The following AHRR variants were observed in gnomAD, a reference collection of about 807,000 sequenced individuals.
The protein encoded by AHRR is aryl hydrocarbon receptor repressor, also known as ahR repressor.
Under a neutral mutation model 44.0 loss-of-function variants are expected in AHRR, and 28 were observed. That is an observed-to-expected ratio of 0.64 (90% CI 0.47 to 0.87). AHRR has a LOEUF of 0.87. Ranked by LOEUF, AHRR falls within the 40% of genes least tolerant of loss-of-function variation. The pLI, the probability that AHRR is intolerant of heterozygous loss-of-function variation, is 0.00. For missense variants in AHRR, 990 were observed against 953.9 expected (o/e 1.04, Z -0.50); for synonymous variants, 434 against 407.0 (o/e 1.07, Z -0.80).
intron 3 of AHRR, among the ~76,000 whole-genome samples, chr5:363,157 C>G (rs1314174240): frequency 2.0e-5 from 3 of 152,240 alleles, no homozygotes; most frequent in Non-Finnish European, 4.4e-5. Context: ...GCTGCTGCCC[C>G]CTGGGTTCTG....
chr5:379,704 GT>G (rs535441284), intron 4 of AHRR, among the ~76,000 whole-genome samples: 29 of 152,252 alleles, frequency 1.9e-4, no homozygotes, highest in African/African-American at 6.7e-4. Context: ...TTACTATTCA[GT>G]TTAGAGATCT....
At chr5:339,984 C>G (rs547862221) in intron 1 of AHRR, among the ~76,000 whole-genome samples, 5 of 152,238 alleles carry the variant, frequency 3.3e-5, no homozygotes, top group Admixed American at 1.3e-4. Context: ...TGTCTATGTT[C>G]ATGTGGGATG....
intron 4 of AHRR, among the ~76,000 whole-genome samples, chr5:386,894 C>T (rs903468731): frequency 1.3e-5 from 2 of 152,154 alleles, no homozygotes; most frequent in Non-Finnish European, 2.9e-5. Flanking sequence ...ATCCCGGACA[C>T]TTTTCACCTG....
chr5:382,130 T>C (rs763856926), intron 4 of AHRR, among the ~76,000 whole-genome samples: 1 of 152,242 alleles, frequency 6.6e-6, no homozygotes, highest in Non-Finnish European at 1.5e-5. Context: ...TTTCTTGTAA[T>C]GTTTTTGTTT....
rs371905327 is a variant in AHRR at position 345,793 on chromosome 5, C to A, written c.62+1829C>A. ...GGTGCCTCCAAGCACTGCGGGGCCC[C>A]AGGAGGAGCTGGGGCTGGGAAACAA... On this transcript the variant is annotated intron_variant, in intron 2 of 10. Transcript: ENST00000684583. Among the ~76,000 whole-genome samples, 3 of 152,156 alleles carry A rather than the reference C, an allele frequency of 2.0e-5. No individual in the cohort carries two copies. The South Asian group carries it at 6.2e-4, about 32-fold the overall frequency.
chr5:415,425 CCGAATCTGCCTGGTCGGGCG>C (rs1735709586), intron 5 of AHRR, among the ~76,000 whole-genome samples: 1 of 132,446 alleles, frequency 7.6e-6, no homozygotes, highest in Admixed American at 7.4e-5. Flanking sequence ...GGCCTAGGGG[CCGAATCTGCCTGGTCGGGCG>C]GGAGGCCTAG....
intron 4 of AHRR, among the ~76,000 whole-genome samples, chr5:402,200 G>A (rs187846741): frequency 2.0e-5 from 3 of 152,336 alleles, no homozygotes; most frequent in East Asian, 1.9e-4. Context: ...AAAGGTGCTC[G>A]GCATCGCCAG....
At chr5:345,736 G>A (rs985619611) in intron 2 of AHRR, among the ~76,000 whole-genome samples, 2 of 152,034 alleles carry the variant, frequency 1.3e-5, no homozygotes, top group Non-Finnish European at 2.9e-5. Context: ...GCGCCTGGAC[G>A]TGTCAAATGC....
At chr5:375,841 C>T (rs570457061) in intron 3 of AHRR, among the ~76,000 whole-genome samples, 4 of 152,302 alleles carry the variant, frequency 2.6e-5, no homozygotes, top group Middle Eastern at 3.4e-3. Flanking sequence ...GTGCTGGGTC[C>T]GGAACTCAGC....
At chr5:425,025 C>T (rs1412776266) in intron 7 of AHRR, among the ~76,000 whole-genome samples, 7 of 152,238 alleles carry the variant, frequency 4.6e-5, no homozygotes, top group Non-Finnish European at 1.0e-4. Flanking sequence ...AATTCAATGC[C>T]ACAAGGCCCT....
At chr5:322,430 G>GCGTCCCACGGGCC (rs1444563702) in intron 1 of AHRR, 6 of 152,088 alleles carry the variant, frequency 3.9e-5, no homozygotes, top group African/African-American at 1.4e-4. Flanking sequence ...TTGTGCAGAA[G>GCGTCCCACGGGCC]CGTCCCACGG....
At chr5:359,910 G>C (rs1200294578) in intron 3 of AHRR, among the ~76,000 whole-genome samples, 2 of 152,204 alleles carry the variant, frequency 1.3e-5, no homozygotes, top group Non-Finnish European at 2.9e-5. Flanking sequence ...ACGAGTGATT[G>C]TGTAAACCCA....
chr5:328,212 T>C (rs1202540337), intron 1 of AHRR, among the ~76,000 whole-genome samples: 2 of 150,536 alleles, frequency 1.3e-5, no homozygotes, highest in Admixed American at 6.7e-5. Context: ...TTCCCGCCAA[T>C]AGTGTATGAG....
chr5:385,477 G>A (rs554346167), intron 4 of AHRR, among the ~76,000 whole-genome samples: 14 of 152,206 alleles, frequency 9.2e-5, no homozygotes, highest in Admixed American at 4.6e-4. Flanking sequence ...GCCCAGCTTC[G>A]CCTCCATTTG....
intron 2 of AHRR, among the ~76,000 whole-genome samples, chr5:349,142 G>A (rs377549083): frequency 2.6e-5 from 4 of 152,078 alleles, no homozygotes; most frequent in Non-Finnish European, 5.9e-5. Context: ...ATAATTGCCC[G>A]TGTTCTTATT....
chr5:393,527 G>A (rs1337580302), intron 4 of AHRR, among the ~76,000 whole-genome samples: 1 of 152,234 alleles, frequency 6.6e-6, no homozygotes, highest in African/African-American at 2.4e-5. Context: ...CTGTCCCAGT[G>A]TCTGCAGGGC....
intron 1 of AHRR, among the ~76,000 whole-genome samples, chr5:325,639 C>A (rs1013928497): frequency 2.6e-5 from 4 of 152,104 alleles, no homozygotes; most frequent in Non-Finnish European, 5.9e-5. Context: ...ACCCTCCGCA[C>A]CACCTCCACC....
At chr5:412,224 A>C (rs1232925146) in intron 4 of AHRR, among the ~76,000 whole-genome samples, 2 of 152,240 alleles carry the variant, frequency 1.3e-5, no homozygotes. Context: ...AGATGAAATG[A>C]ATTTCTAGAA....
intron 5 of AHRR, among the ~76,000 whole-genome samples, chr5:415,432 TG>T (rs1386851080): frequency 1.9e-4 from 25 of 129,078 alleles, no homozygotes; most frequent in East Asian, 2.7e-4. Flanking sequence ...GGGCCGAATC[TG>T]CCTGGTCGGG....
Sources: gnomAD v4.1 joint callset for allele counts (sites outside exome capture counted in the v4.1 genomes callset) on GRCh38, gnomAD v4.1.1 for gene constraint, MANE v1.5 for transcripts, NCBI Gene and HGNC (gene_info 2026-07-23, HGNC 2026-07-21) for gene names.